Variants in MOG observed in about 807,000 individuals in gnomAD.
The protein encoded by MOG is myelin oligodendrocyte glycoprotein.
In MOG, 20 loss-of-function variants were observed where a neutral mutation model predicts 35.9. The ratio of observed to expected loss-of-function variants is 0.56; its 90% confidence interval spans 0.39 to 0.81. MOG has a LOEUF of 0.81. MOG is among the 30% of genes least tolerant of loss of function. The probability of loss-of-function intolerance (pLI) is 0.00; values close to 1 mark genes in which losing one functional copy is unlikely to be tolerated. For missense variants in MOG, 251 were observed against 301.0 expected (o/e 0.83, Z 1.23); for synonymous variants, 92 against 114.3 (o/e 0.80, Z 1.25).
chr6:29,661,537 C>T, intron 2 of MOG: 5 of 985,166 alleles, frequency 5.1e-6, no homozygotes, highest in Non-Finnish European at 6.0e-6. Context: ...AAAAGGAAGA[C>T]AAGCCGGTTG....
chr6:29,670,935 G>T lies in MOG; in HGVS notation c.730+214G>T, dbSNP rs1771346670. 1 of 1,611,540 alleles carries T rather than the reference G, an allele frequency of 6.2e-7. No individual in the cohort carries two copies. The highest frequency in any genetic ancestry group is 8.5e-7 in the Non-Finnish European group (1 of 1,179,404). On this transcript the variant is annotated intron_variant, in intron 7 of 7. Transcript: ENST00000376917. This position sits in a 1 kb window ranked among gnomAD's most constrained non-coding sequence, Gnocchi z 4.2. Reference sequence around the variant, plus strand: ...TTTACAGGTGGCAGAGAAGCTGGAGGCACTCCTATCTGCCACCTGATCCAT... The same window carrying T: ...TTTACAGGTGGCAGAGAAGCTGGAGTCACTCCTATCTGCCACCTGATCCAT...
chr6:29,664,606 ATTTTT>A (rs9278232), intron 2 of MOG: 11 of 418,590 alleles, frequency 2.6e-5, no homozygotes, highest in Non-Finnish European at 4.7e-5. Flanking sequence ...CCATCTCAGA[ATTTTT>A]TTTTTTTTTT....
At chr6:29,658,439 A>C (rs1487619013) in intron 1 of MOG, among the ~76,000 whole-genome samples, 1 of 152,238 alleles carries the variant, frequency 6.6e-6, no homozygotes, top group East Asian at 1.9e-4. Flanking sequence ...ATACAGGGGA[A>C]GGAAGAGGGA....
chr6:29,670,559 T>G lies in MOG; in HGVS notation c.710-142T>G. ...CCAACCCCAGGCTCTTCTGAGAAAC[T>G]GTGAAGAGAACCACTTACTGGATCT... On this transcript the variant is annotated intron_variant, in intron 6 of 7. Coordinates refer to ENST00000376917, the MANE Select transcript of MOG (RefSeq NM_206809.4). The surrounding 1 kb of genome is among the most constrained non-coding windows in gnomAD (Gnocchi z 4.2). The G allele has an allele frequency of 6.4e-7, 1 of 1,556,522 alleles. No individual in the cohort carries two copies. The highest frequency in any genetic ancestry group is 1.1e-5 in the South Asian group (1 of 88,480).
intron 1 of MOG, among the ~76,000 whole-genome samples, chr6:29,657,649 A>G (rs1195762530): frequency 7.0e-6 from 1 of 141,872 alleles, no homozygotes; most frequent in Non-Finnish European, 1.5e-5. Flanking sequence ...ACACCCAGCT[A>G]AATTTTTTCT....
Position 29,671,514 on chromosome 6 carries a change from C to A in MOG, c.*329C>A. ...GTACTGGAGAGCAACACAGGATGGT[C>A]TCTGCCATGAACTGGAGGCCAGGAA... On this transcript the variant is annotated 3_prime_UTR_variant, in exon 8 of 8. Transcript: ENST00000376917. The A allele has an allele frequency of 9.0e-7, 1 of 1,113,510 alleles. No homozygotes were observed. Among genetic ancestry groups the A allele is most frequent in the Non-Finnish European group, 1.4e-6 (1 of 724,736 alleles). 69.0% of individuals were successfully genotyped at this position (1,113,510 alleles called of 1,614,324 possible). A position where few individuals can be genotyped will look rare whatever the true frequency, so the allele number is the denominator to read the frequency against.
intron 3 of MOG, 146 bp downstream of exon 3, chr6:29,666,411 C>T: frequency 1.6e-6 from 1 of 612,180 alleles, no homozygotes; most frequent in Non-Finnish European, 2.9e-6. Context: ...AAAATAACTC[C>T]ATGATGAAAG....
At position 29,666,171 on chromosome 6, in the gene MOG, C is replaced by A. The variant is rs1770166625; in HGVS notation, c.456C>A (p.Ser152Arg). ...LKVEDPFYWV[S>R]PGVLVLLAVL... Reference sequence around the variant, plus strand: ...TTTCAGATCCTTTCTACTGGGTGAGCCCTGGAGTGCTGGTTCTCCTCGCGG... The same window carrying A: ...TTTCAGATCCTTTCTACTGGGTGAGACCTGGAGTGCTGGTTCTCCTCGCGG... The change falls in exon 3 of 8, where the codon AGC (serine) becomes AGA (arginine). Residue 152 changes from serine to arginine, a missense_variant. Physicochemically the swap from Ser to Arg is moderately radical, Grantham distance 110. Coordinates refer to ENST00000376917, the MANE Select transcript of MOG (RefSeq NM_206809.4). 6.2e-7 allele frequency: 1 copy of A among 1,612,240 alleles called. No individual in the cohort carries two copies. Among genetic ancestry groups the A allele is most frequent in the African/African-American group, 1.3e-5 (1 of 74,880 alleles).
At chr6:29,669,447 T>G (rs1022516008) in intron 5 of MOG, among the ~76,000 whole-genome samples, 70 of 149,142 alleles carry the variant, frequency 4.7e-4, no homozygotes, top group African/African-American at 1.7e-3. Flanking sequence ...CATGCCACCA[T>G]GCCCAGCTAA....
intron 5 of MOG, among the ~76,000 whole-genome samples, chr6:29,669,229 T>A (rs765864983): frequency 6.6e-6 from 1 of 151,464 alleles, no homozygotes; most frequent in Non-Finnish European, 1.5e-5. Flanking sequence ...CCATAAATAT[T>A]TCTTTAGCCA....
At position 29,657,244 on chromosome 6, in the gene MOG, G is replaced by A. The variant is rs1199948910; in HGVS notation, c.35G>A (p.Cys12Tyr). Residue 12 changes from cysteine to tyrosine, a missense_variant, in exon 1 of 8, where the codon TGC becomes TAC. Transcript: ENST00000376917. The stretch of plus-strand genomic sequence containing the variant: ...TTATCAAGACCCTCTCTGCCCAGCT[G>A]CCTCTGCTCCTTCCTCCTCCTCCTC... ...ASLSRPSLPS[C>Y]LCSFLLLLLL... is the part of the protein sequence containing the mutation. 2.5e-6 allele frequency: 4 copies of A among 1,609,480 alleles called. No individual in the cohort carries two copies. In the African/African-American group the frequency reaches 5.4e-5, roughly 22 times the overall value.
chr6:29,665,587 C>CAAGGCTGTGGTGGTGCACTGA (rs1770032439), intron 2 of MOG, among the ~76,000 whole-genome samples: 4 of 152,148 alleles, frequency 2.6e-5, no homozygotes, highest in African/African-American at 9.6e-5. Flanking sequence ...TGTCCTAGTT[C>CAAGGCTGTGGTGGTGCACTGA]AGGTTCATGT....
At chr6:29,668,029 CTCTCT>C in intron 5 of MOG, 105 bp downstream of exon 5, 1 of 1,005,506 alleles carries the variant, frequency 9.9e-7, no homozygotes, top group South Asian at 1.3e-5. Context: ...GAGTCCCTTC[CTCTCT>C]TCTCTTTTCT....
chr6:29,662,222 G>A lies in MOG; in HGVS notation c.436+2556G>A, dbSNP rs1387397502. On this transcript the variant is annotated intron_variant, in intron 2 of 7. Coordinates refer to ENST00000376917, the MANE Select transcript of MOG (RefSeq NM_206809.4). The surrounding 1 kb of genome is among the most constrained non-coding windows in gnomAD (Gnocchi z 4.2). ...ACAAATGCCAGGCGCGGCAGCTCAC[G>A]CCTGTAATCCCAGCACTTTGGGAGG... The A allele has an allele frequency of 1.4e-5, 14 of 978,572 alleles. No homozygotes were observed. The highest frequency in any genetic ancestry group is 1.2e-4 in the African/African-American group (7 of 56,954). The allele number at this position is 978,572 out of a possible 1,614,324, so 60.6% of individuals were successfully genotyped here.
At position 29,662,799 on chromosome 6, in the gene MOG, C is replaced by T. The variant is rs939870595; in HGVS notation, c.436+3133C>T. Among the ~76,000 whole-genome samples, 2 of 152,160 alleles carry T rather than the reference C, an allele frequency of 1.3e-5. No homozygotes were observed. The highest frequency in any genetic ancestry group is 3.9e-4 in the East Asian group (2 of 5,166). The stretch of plus-strand genomic sequence containing the variant: ...ACCTCAGCCTACATAGTAGCTGGGA[C>T]CACAGGCACACACCACCACACACTG... On this transcript the variant is annotated intron_variant, in intron 2 of 7. Coordinates refer to ENST00000376917, the MANE Select transcript of MOG (RefSeq NM_206809.4). This position sits in a 1 kb window ranked among gnomAD's most constrained non-coding sequence, Gnocchi z 4.2.
chr6:29,664,190 C>A (rs1414446351), intron 2 of MOG, among the ~76,000 whole-genome samples: 1 of 151,414 alleles, frequency 6.6e-6, no homozygotes, highest in African/African-American at 2.4e-5. Context: ...CCTTCTTTTT[C>A]TTTTTTCTTT....
chr6:29,657,620 A>G lies in MOG; in HGVS notation c.88+323A>G, dbSNP rs187591176. Among the ~76,000 whole-genome samples, 10 of 148,342 alleles carry G rather than the reference A, an allele frequency of 6.7e-5. No homozygotes were observed. The East Asian group carries it at 1.6e-3, about 23-fold the overall frequency. ...TGACTTGGCCTCCCAAGTAGCGGAG[A>G]CTACAGGCGCCTGCCACCACACCCA... On this transcript the variant is annotated intron_variant, in intron 1 of 7. Transcript: ENST00000376917.
intron 5 of MOG, 80 bp downstream of exon 5, chr6:29,668,004 C>A: frequency 1.4e-6 from 2 of 1,382,750 alleles, no homozygotes; most frequent in Non-Finnish European, 2.1e-6. Flanking sequence ...GAACAAGGAC[C>A]CCTGGCTCCT....
rs1767287948 is a variant in MOG, at chr6:29,657,237, C to T, written c.28C>T (p.Pro10Ser). The change falls in exon 1 of 8, where the codon CCC (proline) becomes TCC (serine). Residue 10 changes from proline to serine, a missense_variant. Pro to Ser is a moderately conservative substitution (Grantham distance 74, BLOSUM62 -1). Transcript: ENST00000376917. MASLSRPSLPSCLCSFLLLL... is the reference protein window; with the variant it reads MASLSRPSLSSCLCSFLLLL... Reference sequence around the variant, plus strand: ...GGCAAGCTTATCAAGACCCTCTCTGCCCAGCTGCCTCTGCTCCTTCCTCCT... The same window carrying T: ...GGCAAGCTTATCAAGACCCTCTCTGTCCAGCTGCCTCTGCTCCTTCCTCCT... 1.2e-6 allele frequency: 2 copies of T among 1,610,398 alleles called. No homozygotes were observed. The highest frequency in any genetic ancestry group is 2.2e-5 in the South Asian group (2 of 90,722).
Sources: gnomAD v4.1 joint callset for allele counts (sites outside exome capture counted in the v4.1 genomes callset) on GRCh38, gnomAD v4.1.1 for gene constraint, Gnocchi (gnomAD v3.1) non-coding constraint, MANE v1.5 for transcripts, NCBI Gene and HGNC (gene_info 2026-07-23, HGNC 2026-07-21) for gene names.